MSRB3: variants seen among roughly 807,000 people sequenced by gnomAD.
The protein encoded by MSRB3 is methionine-R-sulfoxide reductase B3.
A neutral mutation model predicts 21.0 loss-of-function variants in MSRB3; 13 were observed. That is an observed-to-expected ratio of 0.62 (90% CI 0.40 to 0.98). The LOEUF is 0.98. Among genes scored for constraint, MSRB3 ranks in the 50% least tolerant of loss-of-function variants. The pLI, the probability that MSRB3 is intolerant of heterozygous loss-of-function variation, is 0.00. For missense variants in MSRB3, 199 were observed against 230.3 expected (o/e 0.86, Z 0.88); for synonymous variants, 87 against 88.6 (o/e 0.98, Z 0.10).
chr12:65,383,904 C>A (rs559903624), intron 5 of MSRB3, among the ~76,000 whole-genome samples: 6 of 152,264 alleles, frequency 3.9e-5, no homozygotes, highest in South Asian at 2.1e-4. Flanking sequence ...GGTGATCCAC[C>A]CGCCTCGGCC....
At chr12:65,457,148 T>C (rs1167428558) in intron 6 of MSRB3, among the ~76,000 whole-genome samples, 1 of 152,160 alleles carries the variant, frequency 6.6e-6, no homozygotes, top group East Asian at 1.9e-4. Flanking sequence ...GTTTATCTTC[T>C]TTTACCTTAC....
intron 5 of MSRB3, among the ~76,000 whole-genome samples, chr12:65,420,780 T>C (rs1304803546): frequency 6.6e-6 from 1 of 152,218 alleles, no homozygotes; most frequent in Admixed American, 6.5e-5. Flanking sequence ...GCTCCATCCA[T>C]GTTTCTGCAT....
At chr12:65,350,968 G>C (rs1356171976) in intron 4 of MSRB3, among the ~76,000 whole-genome samples, 20 of 148,934 alleles carry the variant, frequency 1.3e-4, no homozygotes, top group South Asian at 2.1e-4. Context: ...GGACCTAATA[G>C]ACATCTACAG....
At position 65,297,386 on chromosome 12, in the gene MSRB3, A is replaced by T. The variant is rs112924422; in HGVS notation, c.-51-11143A>T. On this transcript the variant is annotated intron_variant, in intron 1 of 6. Transcript: ENST00000308259. ...GTGCCCCGGAACTTAAAATAAAAAT[A>T]AAAATTAAAATAGAATCCATTCTGC... is the stretch of plus-strand genomic sequence containing the variant. 3.0e-4 allele frequency among the ~76,000 whole-genome samples: 46 copies of T among 152,322 alleles called. 1 individual carries two copies. In the South Asian group the frequency reaches 8.3e-3, roughly 27 times the overall value.
At chr12:65,419,052 C>T (rs1044094505) in intron 5 of MSRB3, 22 of 703,428 alleles carry the variant, frequency 3.1e-5, no homozygotes, top group Non-Finnish European at 4.7e-5. Context: ...TCAGGCTGTT[C>T]TCCAAGCTGG....
chr12:65,386,581 A>G (rs902242311), intron 5 of MSRB3, among the ~76,000 whole-genome samples: 2 of 152,016 alleles, frequency 1.3e-5, no homozygotes, highest in Non-Finnish European at 2.9e-5. Context: ...TTTTCCATGC[A>G]ATAAATATCC....
chr12:65,349,049 C>A (rs1178684289), intron 4 of MSRB3, among the ~76,000 whole-genome samples: 13 of 151,960 alleles, frequency 8.6e-5, no homozygotes. Flanking sequence ...CCAGTGCTAT[C>A]CCTCCCCCTT....
At chr12:65,430,594 A>C (rs910456609) in intron 5 of MSRB3, among the ~76,000 whole-genome samples, 1 of 152,122 alleles carries the variant, frequency 6.6e-6, no homozygotes. Flanking sequence ...GCATCATCTG[A>C]AAGTCAAGAA....
intron 5 of MSRB3, among the ~76,000 whole-genome samples, chr12:65,425,905 G>A (rs1881576136): frequency 6.6e-6 from 1 of 152,120 alleles, no homozygotes; most frequent in South Asian, 2.1e-4. Flanking sequence ...TGCCCAGGCT[G>A]GAGTGCAGTG....
chr12:65,449,333 C>T (rs1182010713), intron 5 of MSRB3, among the ~76,000 whole-genome samples: 2 of 151,736 alleles, frequency 1.3e-5, no homozygotes, highest in African/African-American at 4.9e-5. Flanking sequence ...CTCTAAGTTT[C>T]AAACAATTCT....
chr12:65,400,491 C>A (rs887767974), intron 5 of MSRB3, among the ~76,000 whole-genome samples: 13 of 151,952 alleles, frequency 8.6e-5, no homozygotes, highest in Non-Finnish European at 1.8e-4. Flanking sequence ...CTATTTGATT[C>A]TTCTCCCTTT....
chr12:65,333,190 T>A (rs1352451214), intron 4 of MSRB3, among the ~76,000 whole-genome samples: 1 of 152,220 alleles, frequency 6.6e-6, no homozygotes, highest in African/African-American at 2.4e-5. Flanking sequence ...ATAAATAAAA[T>A]AAATTTATGA....
chr12:65,395,398 G>A (rs775055786), intron 5 of MSRB3, among the ~76,000 whole-genome samples: 4 of 151,888 alleles, frequency 2.6e-5, no homozygotes, highest in South Asian at 2.1e-4. Flanking sequence ...CCTGGGAGGC[G>A]GAGGTTGCAG....
chr12:65,368,775 CT>C (rs1174068784), intron 4 of MSRB3, among the ~76,000 whole-genome samples: 1 of 152,042 alleles, frequency 6.6e-6, no homozygotes, highest in Non-Finnish European at 1.5e-5. Context: ...AAGTTAATGT[CT>C]TTTCCATATT....
chr12:65,405,895 C>A (rs1376755096), intron 5 of MSRB3, among the ~76,000 whole-genome samples: 1 of 151,920 alleles, frequency 6.6e-6, no homozygotes, highest in Non-Finnish European at 1.5e-5. Flanking sequence ...TGAGAAATAT[C>A]TATTCATGTC....
rs1266510766 is a variant in MSRB3 at position 65,367,112 on chromosome 12, A to G, written c.264-1886A>G. ...GCTTCTGATAAACCTTAGCAAAGGC[A>G]GATTGCACTGATTCAAGGACCGAAT... is the stretch of plus-strand genomic sequence containing the variant. On this transcript the variant is annotated intron_variant, in intron 4 of 6. Transcript: ENST00000308259. 2.0e-5 allele frequency among the ~76,000 whole-genome samples: 3 copies of G among 152,228 alleles called. No individual in the cohort carries two copies. The East Asian group carries it at 5.8e-4, about 29-fold the overall frequency.
intron 5 of MSRB3, among the ~76,000 whole-genome samples, chr12:65,407,065 A>G (rs1451048122): frequency 6.6e-6 from 1 of 152,196 alleles, no homozygotes; most frequent in Non-Finnish European, 1.5e-5. Context: ...ATGGGCTAAG[A>G]CACTATACTA....
chr12:65,296,823 C>T (rs1872994871), intron 1 of MSRB3, among the ~76,000 whole-genome samples: 1 of 152,080 alleles, frequency 6.6e-6, no homozygotes, highest in African/African-American at 2.4e-5. Flanking sequence ...CTTCAAACTG[C>T]AATAATAGAG....
chr12:65,449,456 C>T (rs1386062498), intron 5 of MSRB3, among the ~76,000 whole-genome samples: 1 of 152,000 alleles, frequency 6.6e-6, no homozygotes, highest in African/African-American at 2.4e-5. Context: ...CTGAATACTA[C>T]AAATTTTGAA....
Sources: allele counts gnomAD v4.1 joint callset (sites outside exome capture counted in the v4.1 genomes callset), GRCh38; gene constraint gnomAD v4.1.1; transcripts MANE v1.5; gene names NCBI Gene and HGNC (gene_info 2026-07-23, HGNC 2026-07-21).